The following ZGPAT variants were observed in gnomAD, a reference collection of about 807,000 sequenced individuals.
ZGPAT encodes the protein zinc finger CCCH-type with G patch domain-containing protein.
In ZGPAT, 39 loss-of-function variants were observed where a neutral mutation model predicts 47.9. That is an observed-to-expected ratio of 0.81 (90% CI 0.63 to 1.06). The LOEUF is 1.06. ZGPAT is among the 50% of genes least tolerant of loss of function. The pLI is 0.00. For missense variants in ZGPAT, 717 were observed against 681.4 expected, an observed-to-expected ratio of 1.05 and a Z score of -0.58; for synonymous variants, 348 against 292.9, an observed-to-expected ratio of 1.19 and a Z score of -1.92.
At chr20:63,733,041 TG>T (rs1189012957) in intron 2 of ZGPAT, among the ~76,000 whole-genome samples, 177 bp from the exon 3 acceptor site, 2 of 145,254 alleles carry the variant, frequency 1.4e-5, no homozygotes, top group Non-Finnish European at 3.1e-5. Context: ...TGTGCATGTG[TG>T]TGTGTATGTG....
At position 63,708,754 on chromosome 20, in the gene ZGPAT, G is replaced by A; in HGVS notation, c.174G>A (p.Arg58=). ...CCGAGGCCAGCCTGGTGTCTGTCAG[G>A]AAGAGCAGCTTGTTGGCCGCGCTGG... ...ELTEASLVSV[R]KSSLLAALDE... is the part of the protein sequence containing the mutation. Residue 58 remains arginine (R), a synonymous_variant, in exon 2 of 7, where the codon AGG becomes AGA. Transcript: ENST00000355969. 6.2e-7 allele frequency: 1 copy of A among 1,612,328 alleles called. No individual in the cohort carries two copies. Among genetic ancestry groups the A allele is most frequent in the Non-Finnish European group, 8.5e-7 (1 of 1,179,494 alleles).
intron 2 of ZGPAT, among the ~76,000 whole-genome samples, chr20:63,718,601 G>A (rs543702071): frequency 5.2e-4 from 78 of 151,124 alleles, no homozygotes; most frequent in African/African-American, 1.7e-3. Context: ...GATTACAGGC[G>A]TGAAACACCA....
At chr20:63,734,506 C>A (rs1028587908) in intron 4 of ZGPAT, 199 bp from the exon 5 acceptor site, 15 of 1,048,208 alleles carry the variant, frequency 1.4e-5, no homozygotes, top group Non-Finnish European at 1.9e-5. Flanking sequence ...CCACAGCAGC[C>A]TCGGTGACGA....
chr20:63,712,972 A>G (rs1293382940), intron 2 of ZGPAT, among the ~76,000 whole-genome samples: 3 of 152,188 alleles, frequency 2.0e-5, no homozygotes, highest in Non-Finnish European at 4.4e-5. Context: ...CCATTTATTT[A>G]CGTCTTTAAT....
At chr20:63,722,594 A>G (rs1354416588) in intron 2 of ZGPAT, among the ~76,000 whole-genome samples, 2 of 152,008 alleles carry the variant, frequency 1.3e-5, no homozygotes, top group Admixed American at 6.6e-5. Flanking sequence ...TCTTTAACTT[A>G]CCACAATGTA....
chr20:63,708,941 G>A lies in ZGPAT; in HGVS notation c.361G>A (p.Glu121Lys), dbSNP rs1215257805. The A allele has an allele frequency of 8.1e-6, 13 of 1,613,008 alleles. No homozygotes were observed. The highest frequency in any genetic ancestry group is 1.6e-4 in the Middle Eastern group (1 of 6,084). The change falls in exon 2 of 7, where the codon GAA (glutamate) becomes AAA (lysine). Residue 121 changes from glutamate to lysine, a missense_variant. Coordinates refer to ENST00000355969, the MANE Select transcript of ZGPAT (RefSeq NM_181485.3). The part of the protein sequence containing the change: ...PESAAGGQEE[E>K]EGEDEEELSG... The stretch of plus-strand genomic sequence containing the variant: ...ATCTGCGGCAGGTGGGCAGGAGGAG[G>A]AAGAGGGAGAGGACGAGGAAGAGCT...
Position 63,709,148 on chromosome 20 carries a change from T to C in ZGPAT, c.568T>C (p.Phe190Leu). Reference protein sequence around the residue: ...CPFFLEGKCRFKENCRFSHGQ... With the variant: ...CPFFLEGKCRLKENCRFSHGQ... Reference sequence around the variant, plus strand: ...GTTCTTCCTGGAGGGAAAGTGCCGCTTTAAGGAGAACTGCAGGTAAAGCCC... The same window carrying C: ...GTTCTTCCTGGAGGGAAAGTGCCGCCTTAAGGAGAACTGCAGGTAAAGCCC... The change falls in exon 2 of 7, where the codon TTT becomes CTT. Residue 190 changes from phenylalanine to leucine, a missense_variant. Physicochemically the swap from Phe to Leu is conservative, Grantham distance 22. Coordinates refer to ENST00000355969, the MANE Select transcript of ZGPAT (RefSeq NM_181485.3). 6.2e-7 allele frequency: 1 copy of C among 1,610,910 alleles called. No homozygotes were observed. The highest frequency in any genetic ancestry group is 8.5e-7 in the Non-Finnish European group (1 of 1,179,998).
In ZGPAT at chr20:63,708,992, T is replaced by C. The variant is rs1318722516; in HGVS notation, c.412T>C (p.Tyr138His). 10 of 1,613,396 alleles carry C rather than the reference T, an allele frequency of 6.2e-6. No homozygotes were observed. Among genetic ancestry groups the C allele is most frequent in the African/African-American group, 1.3e-5 (1 of 74,884 alleles). The change falls in exon 2 of 7, where the codon TAC (tyrosine) becomes CAC (histidine). Residue 138 changes from tyrosine (Y) to histidine (H), a missense_variant. By Grantham distance (83) the Tyr-to-His change is moderately conservative. Transcript: ENST00000355969. ...ELSGTKVSAP[Y>H]YSSWGTLEYH... ...GAGTGGGACAAAGGTGAGCGCGCCC[T>C]ACTACAGCTCCTGGGGCACTCTGGA...
intron 2 of ZGPAT, among the ~76,000 whole-genome samples, chr20:63,716,289 C>CA: frequency 6.6e-6 from 1 of 152,318 alleles, no homozygotes; most frequent in Admixed American, 6.5e-5. Flanking sequence ...CTCGGCCTCA[C>CA]AAAGTGCTGG....
At chr20:63,709,239 C>A in intron 2 of ZGPAT, 75 bp downstream of exon 2, 1 of 1,536,500 alleles carries the variant, frequency 6.5e-7, no homozygotes, top group Non-Finnish European at 8.9e-7. Context: ...CAGGATCGGC[C>A]CTCCCTTTGC....
Position 63,735,886 on chromosome 20 carries a change from G to A in ZGPAT, c.1503G>A (p.Lys501=), listed in dbSNP as rs2091985237. ...QEAGLQQEQR[K]ADTHKKMTEF ...CCGGCCTGCAGCAGGAGCAGAGGAAGGCAGACACCCACAAGAAGATGACTG... is the reference window on the plus strand; with the variant it reads ...CCGGCCTGCAGCAGGAGCAGAGGAAAGCAGACACCCACAAGAAGATGACTG... The change falls in exon 7 of 7, where the codon AAG becomes AAA. Residue 501 remains lysine, a synonymous_variant. Coordinates refer to ENST00000355969, the MANE Select transcript of ZGPAT (RefSeq NM_181485.3). 6.2e-7 allele frequency: 1 copy of A among 1,612,926 alleles called. No individual in the cohort carries two copies. Among genetic ancestry groups the A allele is most frequent in the African/African-American group, 1.3e-5 (1 of 75,070 alleles).
At chr20:63,715,585 A>G (rs2091719333) in intron 2 of ZGPAT, among the ~76,000 whole-genome samples, 1 of 152,024 alleles carries the variant, frequency 6.6e-6, no homozygotes, top group South Asian at 2.1e-4. Flanking sequence ...ATGTAATAAC[A>G]TTGCTGGATT....
intron 2 of ZGPAT, among the ~76,000 whole-genome samples, chr20:63,715,399 C>T (rs545675089): frequency 6.6e-6 from 1 of 152,090 alleles, no homozygotes; most frequent in East Asian, 1.9e-4. Context: ...GCCACTATGC[C>T]CAGCTAATTT....
chr20:63,733,718 G>A lies in ZGPAT; in HGVS notation c.850G>A (p.Gly284Ser), dbSNP rs1221454317. ...TESDSDSDGT[G>S]DSSYARVVGS... ...GTCCGACTCAGACAGCGACGGTACG[G>A]GTGACTCCAGCTATGCCAGAGGTAT... Residue 284 changes from glycine to serine, a missense_variant, in exon 4 of 7, where the codon GGT becomes AGT. Physicochemically the swap from Gly to Ser is moderately conservative, Grantham distance 56. Coordinates refer to ENST00000355969, the MANE Select transcript of ZGPAT (RefSeq NM_181485.3). The A allele has an allele frequency of 6.2e-7, 1 of 1,612,940 alleles. No homozygotes were observed. The highest frequency in any genetic ancestry group is 1.3e-5 in the African/African-American group (1 of 74,942).
intron 2 of ZGPAT, among the ~76,000 whole-genome samples, chr20:63,720,329 G>C (rs2091774929): frequency 6.6e-6 from 1 of 151,754 alleles, no homozygotes; most frequent in African/African-American, 2.4e-5. Flanking sequence ...CTAATTTTTT[G>C]TATTTTCAGT....
At chr20:63,732,442 TGTAG>T (rs2091921440) in intron 2 of ZGPAT, among the ~76,000 whole-genome samples, 1 of 49,258 alleles carries the variant, frequency 2.0e-5, no homozygotes, top group South Asian at 6.3e-4. Flanking sequence ...TGCGCATGTG[TGTAG>T]GTAAGGGTGC....
chr20:63,717,888 C>G (rs996149334), intron 2 of ZGPAT, among the ~76,000 whole-genome samples: 3 of 151,936 alleles, frequency 2.0e-5, no homozygotes, highest in Non-Finnish European at 4.4e-5. Context: ...ACTAAAAATA[C>G]AAAAATTAGC....
intron 2 of ZGPAT, 135 bp from the exon 3 acceptor site, chr20:63,733,084 G>T: frequency 8.8e-7 from 1 of 1,130,064 alleles, no homozygotes. Context: ...GAGTGTGTGA[G>T]AGTGTGTATG....
Position 63,730,634 on chromosome 20 carries a change from G to A in ZGPAT, c.585-2585G>A, listed in dbSNP as rs949374374. Among the ~76,000 whole-genome samples, 12 of 152,210 alleles carry A rather than the reference G, an allele frequency of 7.9e-5. 1 individual carries two copies. The South Asian group carries it at 1.2e-3, about 16-fold the overall frequency. ...CGAGTAGGTGGGACTATAGGCACGC[G>A]CCACCACACCCGGCTAATTTTTGTA... On this transcript the variant is annotated intron_variant, in intron 2 of 6. Coordinates refer to ENST00000355969, the MANE Select transcript of ZGPAT (RefSeq NM_181485.3).
Sources: gnomAD v4.1 joint callset for allele counts (sites outside exome capture counted in the v4.1 genomes callset) on GRCh38, gnomAD v4.1.1 for gene constraint, MANE v1.5 for transcripts, NCBI Gene and HGNC (gene_info 2026-07-23, HGNC 2026-07-21) for gene names.